Variants in GALNT18 observed in about 807,000 individuals in gnomAD.
GALNT18 encodes the protein GalNAc-transferase 18.
In GALNT18, 44 loss-of-function variants were observed where a neutral mutation model predicts 69.5. The observed-to-expected ratio is 0.63, with a 90% CI of 0.50 to 0.81. The LOEUF (loss-of-function observed/expected upper bound fraction) is 0.81. Ranked by LOEUF, GALNT18 falls within the 40% of genes least tolerant of loss-of-function variation. The pLI is 0.00. For missense variants in GALNT18, 715 were observed against 810.0 expected, an observed-to-expected ratio of 0.88 and a Z score of 1.42; for synonymous variants, 364 against 318.2, an observed-to-expected ratio of 1.14 and a Z score of -1.53.
At chr11:11,385,355 G>T (rs1470865972) in intron 3 of GALNT18, among the ~76,000 whole-genome samples, 1 of 151,594 alleles carries the variant, frequency 6.6e-6, no homozygotes, top group Non-Finnish European at 1.5e-5. Flanking sequence ...GAGTGCAGTG[G>T]TGCAATCTCG....
In GALNT18 at chr11:11,416,662, G is replaced by A. The variant is rs112942774; in HGVS notation, c.595+15959C>T. ...TTCCTGAGTTTTGTTCAGCTCTGAC[G>A]TGCTGTGGTTATTTACTCCCAGATG... On this transcript the variant is annotated intron_variant, in intron 3 of 10. Coordinates refer to ENST00000227756, the MANE Select transcript of GALNT18 (RefSeq NM_198516.3). 3.7e-3 allele frequency among the ~76,000 whole-genome samples: 569 copies of A among 152,248 alleles called. 2 individuals carry two copies. The highest frequency in any genetic ancestry group is 0.011 in the African/African-American group (467 of 41,536).
chr11:11,293,831 T>C (rs1849350176), intron 9 of GALNT18, among the ~76,000 whole-genome samples: 1 of 152,196 alleles, frequency 6.6e-6, no homozygotes, highest in Non-Finnish European at 1.5e-5. Context: ...CCTCCCTTCA[T>C]AAATATTTCA....
intron 1 of GALNT18, among the ~76,000 whole-genome samples, chr11:11,512,609 A>C (rs527852759): frequency 6.6e-6 from 1 of 152,324 alleles, no homozygotes; most frequent in South Asian, 2.1e-4. Context: ...CCATATCTAC[A>C]TTATAGCTCA....
rs4408306 is a variant in GALNT18, at chr11:11,377,593, T to C, written c.780-214A>G. On this transcript the variant is annotated intron_variant, in intron 4 of 10. Transcript: ENST00000227756. This position sits in a 1 kb window ranked among gnomAD's most constrained non-coding sequence, Gnocchi z 4.6. Reference sequence around the variant, plus strand: ...AATGGCAAGAGGCTGCACCACTCCATTGGCATATCCAGAGCTGAGCTGAGA... The same window carrying C: ...AATGGCAAGAGGCTGCACCACTCCACTGGCATATCCAGAGCTGAGCTGAGA... Among the ~76,000 whole-genome samples the C allele has an allele frequency of 0.75, 114,474 of 151,710 alleles. 44,138 individuals carry two copies. Among genetic ancestry groups the C allele is most frequent in the Middle Eastern group, 0.92 (271 of 294 alleles).
intron 9 of GALNT18, among the ~76,000 whole-genome samples, chr11:11,317,805 A>G (rs756119465): frequency 6.6e-6 from 1 of 152,204 alleles, no homozygotes; most frequent in Non-Finnish European, 1.5e-5. Flanking sequence ...AAACTTTCCA[A>G]AATATGAGGA....
chr11:11,452,169 C>T (rs958065868), intron 1 of GALNT18, among the ~76,000 whole-genome samples: 3 of 152,224 alleles, frequency 2.0e-5, no homozygotes, highest in African/African-American at 7.2e-5. Flanking sequence ...GAGGCCTTGC[C>T]TCTCTGAACT....
chr11:11,309,966 T>G lies in GALNT18; in HGVS notation c.1513-16773A>C, dbSNP rs1286209690. Among the ~76,000 whole-genome samples the G allele has an allele frequency of 1.3e-5, 2 of 150,416 alleles. No individual in the cohort carries two copies. Among genetic ancestry groups the G allele is most frequent in the East Asian group, 3.8e-4 (2 of 5,196 alleles). ...CTCTACTTATTTCTTCCCTTCAGTC[T>G]CAAAACATGTTCCCTTATTGCTTTC... On this transcript the variant is annotated intron_variant, in intron 9 of 10. Transcript: ENST00000227756. This position sits in a 1 kb window ranked among gnomAD's most constrained non-coding sequence, Gnocchi z 4.6.
At chr11:11,304,537 C>A (rs1237172225) in intron 9 of GALNT18, among the ~76,000 whole-genome samples, 1 of 152,188 alleles carries the variant, frequency 6.6e-6, no homozygotes, top group Non-Finnish European at 1.5e-5. Context: ...ATCCTATGCA[C>A]TGAGGAATAC....
intron 6 of GALNT18, among the ~76,000 whole-genome samples, chr11:11,345,778 G>A (rs1349967941): frequency 1.3e-5 from 2 of 152,146 alleles, no homozygotes; most frequent in South Asian, 2.1e-4. Context: ...AGGGGTGCCT[G>A]AGAAATGAAC....
intron 10 of GALNT18, among the ~76,000 whole-genome samples, chr11:11,291,142 T>C (rs11021759): frequency 0.18 from 27,040 of 152,136 alleles, 2,992 homozygotes; most frequent in Non-Finnish European, 0.25. Flanking sequence ...AGGAAAGTGA[T>C]GAAGGCTTCT....
Position 11,432,005 on chromosome 11 carries a change from G to C in GALNT18, c.595+616C>G, listed in dbSNP as rs1209168612. On this transcript the variant is annotated intron_variant, in intron 3 of 10. Coordinates refer to ENST00000227756, the MANE Select transcript of GALNT18 (RefSeq NM_198516.3). This position sits in a 1 kb window ranked among gnomAD's most constrained non-coding sequence, Gnocchi z 5.8. ...GGAAAAGGGGTGGCTGGTAGTGCTG[G>C]AGAAAGAGAGTTAGTGATTTGATGG... is the stretch of plus-strand genomic sequence containing the variant. Among the ~76,000 whole-genome samples, 2 of 152,220 alleles carry C rather than the reference G, an allele frequency of 1.3e-5. No individual in the cohort carries two copies. Among genetic ancestry groups the C allele is most frequent in the African/African-American group, 4.8e-5 (2 of 41,452 alleles).
rs748442636 is a variant in GALNT18 at position 11,389,950 on chromosome 11, C to T, written c.596-10686G>A. On this transcript the variant is annotated intron_variant, in intron 3 of 10. Transcript: ENST00000227756. The surrounding 1 kb of genome is among the most constrained non-coding windows in gnomAD (Gnocchi z 4.3). The stretch of plus-strand genomic sequence containing the variant: ...CAAGGCTTAGAGTTTAGAGTGCTGC[C>T]GAACTCAAAAATTTGATGATCCTAA... Among the ~76,000 whole-genome samples the T allele has an allele frequency of 2.0e-5, 3 of 151,976 alleles. No individual in the cohort carries two copies. Among genetic ancestry groups the T allele is most frequent in the Non-Finnish European group, 2.9e-5 (2 of 67,996 alleles).
At chr11:11,464,708 C>T (rs796219074) in intron 1 of GALNT18, among the ~76,000 whole-genome samples, 22 of 152,322 alleles carry the variant, frequency 1.4e-4, no homozygotes, top group Admixed American at 3.3e-4. Context: ...CATAGCCTAG[C>T]GGGGAAGTGC....
chr11:11,332,800 G>C lies in GALNT18; in HGVS notation c.1310C>G (p.Ala437Gly), dbSNP rs986530613. Residue 437 changes from alanine (A) to glycine (G), a missense_variant, in exon 8 of 11, where the codon GCA becomes GGA. Physicochemically the swap from Ala to Gly is moderately conservative, Grantham distance 60. Transcript: ENST00000227756. This position sits in a 1 kb window ranked among gnomAD's most constrained non-coding sequence, Gnocchi z 4.3. Reference sequence around the variant, plus strand: ...CAGCTGTTTCCTGAGAGCCTTCCTTGCAGTGATGTCCCCAATGTCAATTCC... The same window carrying C: ...CAGCTGTTTCCTGAGAGCCTTCCTTCCAGTGATGTCCCCAATGTCAATTCC... ...DSGIDIGDIT[A>G]RKALRKQLQC... 6.2e-7 allele frequency: 1 copy of C among 1,613,756 alleles called. No individual in the cohort carries two copies. The highest frequency in any genetic ancestry group is 1.7e-5 in the Admixed American group (1 of 60,006).
intron 3 of GALNT18, among the ~76,000 whole-genome samples, chr11:11,386,106 G>A (rs1294150685): frequency 6.6e-6 from 1 of 152,166 alleles, no homozygotes; most frequent in Non-Finnish European, 1.5e-5. Flanking sequence ...GCCTCCGGAA[G>A]TATGAAACAA....
At chr11:11,476,647 A>G (rs1856405278) in intron 1 of GALNT18, among the ~76,000 whole-genome samples, 1 of 152,156 alleles carries the variant, frequency 6.6e-6, no homozygotes, top group Admixed American at 6.5e-5. Context: ...AAGGAATCAA[A>G]TTTCCAGCCC....
chr11:11,581,747 T>G (rs61870383), intron 1 of GALNT18, among the ~76,000 whole-genome samples: 2 of 152,050 alleles, frequency 1.3e-5, no homozygotes, highest in Non-Finnish European at 2.9e-5. Flanking sequence ...AAAGAATGCA[T>G]GTGGCTGCTG....
intron 1 of GALNT18, among the ~76,000 whole-genome samples, chr11:11,556,407 C>T (rs1312543077): frequency 2.0e-5 from 3 of 152,230 alleles, no homozygotes; most frequent in African/African-American, 7.2e-5. Context: ...AAGTCGCCAA[C>T]ATGGCACCGG....
chr11:11,533,096 C>G (rs1169907868), intron 1 of GALNT18, among the ~76,000 whole-genome samples: 3 of 152,158 alleles, frequency 2.0e-5, no homozygotes, highest in Non-Finnish European at 4.4e-5. Flanking sequence ...ATCCATGTTA[C>G]TCCCCAGCCC....
Sources: allele counts gnomAD v4.1 joint callset (sites outside exome capture counted in the v4.1 genomes callset), GRCh38; gene constraint gnomAD v4.1.1; non-coding constraint Gnocchi (gnomAD v3.1); transcripts MANE v1.5; gene names NCBI Gene and HGNC (gene_info 2026-07-23, HGNC 2026-07-21).